The following GLCCI1 variants were observed in gnomAD, a reference collection of about 807,000 sequenced individuals.
GLCCI1 encodes the protein glucocorticoid induced 1, also known as glucocorticoid-induced transcript 1 protein.
GLCCI1 carries 24 observed loss-of-function variants against 52.2 expected under a neutral mutation model. The ratio of observed to expected loss-of-function variants is 0.46; its 90% confidence interval spans 0.33 to 0.65. The LOEUF (loss-of-function observed/expected upper bound fraction) is 0.65. Among genes scored for constraint, GLCCI1 ranks in the 30% least tolerant of loss-of-function variants. GLCCI1 has a pLI of 0.02. For synonymous variants in GLCCI1, 310 were observed against 276.5 expected, an observed-to-expected ratio of 1.12 and a Z score of -1.20; for missense variants, 704 against 701.5, an observed-to-expected ratio of 1.00 and a Z score of -0.04.
chr7:8,047,992 C>T (rs1236759785), intron 3 of GLCCI1, among the ~76,000 whole-genome samples: 1 of 152,188 alleles, frequency 6.6e-6, no homozygotes, highest in Non-Finnish European at 1.5e-5. Flanking sequence ...GGCTTCTTTT[C>T]TCTTTCTTGC....
intron 6 of GLCCI1, among the ~76,000 whole-genome samples, chr7:8,079,321 A>G (rs1416053057): frequency 6.8e-6 from 1 of 146,534 alleles, no homozygotes; most frequent in African/African-American, 2.8e-5. Flanking sequence ...AAATTTTGCC[A>G]TTTAATAAAC....
At position 7,975,041 on chromosome 7, in the gene GLCCI1, T is replaced by C. The variant is rs566407878; in HGVS notation, c.457+5234T>C. 1.3e-3 allele frequency among the ~76,000 whole-genome samples: 195 copies of C among 152,282 alleles called. 2 individuals are homozygous for C. Among genetic ancestry groups the C allele is most frequent in the Non-Finnish European group, 2.2e-3 (153 of 68,008 alleles). On this transcript the variant is annotated intron_variant, in intron 1 of 7. Coordinates refer to ENST00000223145, the MANE Select transcript of GLCCI1 (RefSeq NM_138426.4). ...AGGAAAGGGAACACAAGTACTCATA[T>C]ATTGATATAGAAAGCCTAGGGAACT...
At chr7:8,037,084 C>T (rs76391117) in intron 3 of GLCCI1, among the ~76,000 whole-genome samples, 176 of 128,228 alleles carry the variant, frequency 1.4e-3, no homozygotes, top group African/African-American at 5.5e-3. Flanking sequence ...ATGACTCGAC[C>T]AAAATAGTCT....
At chr7:7,979,118 G>T (rs1482111854) in intron 1 of GLCCI1, among the ~76,000 whole-genome samples, 1 of 152,124 alleles carries the variant, frequency 6.6e-6, no homozygotes, top group Admixed American at 6.5e-5. Flanking sequence ...GCTAAATGCA[G>T]TTTCATTAGT....
intron 5 of GLCCI1, among the ~76,000 whole-genome samples, chr7:8,062,450 A>G (rs1782540261): frequency 6.6e-6 from 1 of 152,222 alleles, no homozygotes; most frequent in Non-Finnish European, 1.5e-5. Flanking sequence ...GTTTAGCAGC[A>G]TACTGTAGAC....
intron 3 of GLCCI1, among the ~76,000 whole-genome samples, chr7:8,035,271 G>T (rs966794844): frequency 2.6e-5 from 4 of 152,324 alleles, no homozygotes; most frequent in African/African-American, 7.2e-5. Context: ...GCTACTTCCA[G>T]TGCAGATGTG....
chr7:8,034,885 G>A (rs1332817033), intron 3 of GLCCI1, among the ~76,000 whole-genome samples: 1 of 152,280 alleles, frequency 6.6e-6, no homozygotes, highest in South Asian at 2.1e-4. Context: ...ACACTGGTGT[G>A]GGTGGTGATT....
chr7:8,086,120 C>A lies in GLCCI1; in HGVS notation c.1299-73C>A. On this transcript the variant is annotated intron_variant, in intron 7 of 7. Transcript: ENST00000223145. The surrounding 1 kb of genome is among the most constrained non-coding windows in gnomAD (Gnocchi z 4.4). The stretch of plus-strand genomic sequence containing the variant: ...TACATTTTAGCTGTTTTAGAGAACT[C>A]CAGTTAATTCAGAAAATGCTTAACT... The A allele has an allele frequency of 7.8e-7, 1 of 1,287,638 alleles. No individual in the cohort carries two copies. 79.8% of individuals were successfully genotyped at this position (1,287,638 alleles called of 1,614,324 possible). A position where few individuals can be genotyped will look rare whatever the true frequency, so the allele number is the denominator to read the frequency against.
chr7:8,016,192 G>T (rs754069399), intron 2 of GLCCI1, among the ~76,000 whole-genome samples: 1 of 152,134 alleles, frequency 6.6e-6, no homozygotes, highest in Non-Finnish European at 1.5e-5. Context: ...AAGATCGCCC[G>T]GGCGCGGTGG....
rs112042565 is a variant in GLCCI1 at position 8,086,707 on chromosome 7, A to G, written c.*169A>G. 4 of 613,020 alleles carry G rather than the reference A, an allele frequency of 6.5e-6. No individual in the cohort carries two copies. Among genetic ancestry groups the G allele is most frequent in the Non-Finnish European group, 2.8e-6 (1 of 358,442 alleles). 38.0% of individuals were successfully genotyped at this position (613,020 alleles called of 1,614,324 possible). A position where few individuals can be genotyped will look rare whatever the true frequency, so the allele number is the denominator to read the frequency against. On this transcript the variant is annotated 3_prime_UTR_variant, in exon 8 of 8. Transcript: ENST00000223145. The surrounding 1 kb of genome is among the most constrained non-coding windows in gnomAD (Gnocchi z 4.4). ...GGCAGGGACGGAACTCCTATTCAGC[A>G]GTTTTTGTGGAAAGCAGTAATGCTT...
chr7:8,042,778 G>C (rs953584136), intron 3 of GLCCI1, among the ~76,000 whole-genome samples: 3 of 152,202 alleles, frequency 2.0e-5, no homozygotes, highest in Non-Finnish European at 2.9e-5. Context: ...AAGAAGCTGT[G>C]AACATTGTTG....
chr7:8,051,598 C>T (rs1173503894), intron 3 of GLCCI1, among the ~76,000 whole-genome samples: 3 of 152,324 alleles, frequency 2.0e-5, no homozygotes, highest in East Asian at 1.9e-4. Flanking sequence ...AATAAAAGAA[C>T]ACCCTTCACC....
In GLCCI1 at chr7:7,978,044, T is replaced by C. The variant is rs368969107; in HGVS notation, c.457+8237T>C. Among the ~76,000 whole-genome samples, 71 of 152,328 alleles carry C rather than the reference T, an allele frequency of 4.7e-4. 1 individual carries two copies. The highest frequency in any genetic ancestry group is 1.7e-3 in the African/African-American group (69 of 41,580). ...GGGCGGTGAGGGAAGAAGAGAAAGC[T>C]AAATGGGACTAGACGCTAGGGTGCA... On this transcript the variant is annotated intron_variant, in intron 1 of 7. Transcript: ENST00000223145.
At chr7:8,069,989 C>T (rs1015031480) in intron 5 of GLCCI1, 1 of 152,186 alleles carries the variant, frequency 6.6e-6, no homozygotes, top group Middle Eastern at 3.2e-3. Context: ...GAGAATTTTA[C>T]TTGTTAACCT....
intron 2 of GLCCI1, among the ~76,000 whole-genome samples, chr7:8,021,445 T>A (rs1333807344): frequency 6.6e-6 from 1 of 152,194 alleles, no homozygotes; most frequent in East Asian, 1.9e-4. Flanking sequence ...AGAGTTTCAC[T>A]CTCGTCGCCC....
At chr7:8,074,421 T>C (rs1782830482) in intron 6 of GLCCI1, among the ~76,000 whole-genome samples, 1 of 152,138 alleles carries the variant, frequency 6.6e-6, no homozygotes, top group South Asian at 2.1e-4. Flanking sequence ...ATACTAATTA[T>C]TTCTGTGATC....
chr7:8,034,477 G>A (rs1362695851), intron 3 of GLCCI1, among the ~76,000 whole-genome samples: 1 of 152,086 alleles, frequency 6.6e-6, no homozygotes, highest in African/African-American at 2.4e-5. Flanking sequence ...ATTTGATAAA[G>A]GGCTTCTATG....
At chr7:7,971,496 G>A (rs912350838) in intron 1 of GLCCI1, among the ~76,000 whole-genome samples, 1 of 152,176 alleles carries the variant, frequency 6.6e-6, no homozygotes, top group Non-Finnish European at 1.5e-5. Flanking sequence ...GGGACTAAGA[G>A]GCATAAAATA....
chr7:8,067,072 G>T (rs1268229842), intron 5 of GLCCI1, among the ~76,000 whole-genome samples: 3 of 152,246 alleles, frequency 2.0e-5, no homozygotes, highest in South Asian at 4.2e-4. Context: ...CCCCTGTGTT[G>T]GGTGCATATA....
Sources: gnomAD v4.1 joint callset for allele counts (sites outside exome capture counted in the v4.1 genomes callset) on GRCh38, gnomAD v4.1.1 for gene constraint, Gnocchi (gnomAD v3.1) non-coding constraint, MANE v1.5 for transcripts, NCBI Gene and HGNC (gene_info 2026-07-23, HGNC 2026-07-21) for gene names.